Variants in BTBD9 observed in about 807,000 individuals in gnomAD.
The protein encoded by BTBD9 is BTB domain containing 9.
In BTBD9, 49 loss-of-function variants were observed where a neutral mutation model predicts 64.3. That is an observed-to-expected ratio of 0.76 (90% CI 0.61 to 0.97). BTBD9 has a LOEUF of 0.97. BTBD9 is among the 50% of genes least tolerant of loss of function. The pLI is 0.00. For synonymous variants in BTBD9, 260 were observed against 274.7 expected (o/e 0.95, Z 0.53); for missense variants, 598 against 762.1 (o/e 0.78, Z 2.53).
intron 6 of BTBD9, among the ~76,000 whole-genome samples, chr6:38,540,918 T>C (rs940757809): frequency 6.6e-6 from 1 of 152,224 alleles, no homozygotes; most frequent in Non-Finnish European, 1.5e-5. Context: ...TTCTATGATG[T>C]TACATGCTAG....
At position 38,171,874 on chromosome 6, in the gene BTBD9, AAAAAAAAATAAT is replaced by A. The variant is rs1766797227; in HGVS notation, c.*3099_*3110del. 3.6e-5 allele frequency: 4 copies of A among 111,698 alleles called. No individual in the cohort carries two copies. Among genetic ancestry groups the A allele is most frequent in the South Asian group, 2.8e-4 (1 of 3,540 alleles). The allele number at this position is 111,698 out of a possible 1,614,324, so 6.9% of individuals were successfully genotyped here. Reference sequence around the variant, plus strand: ...AAAAAAAAAAAAAAAAAAAAAAAAAAAAAAAAAATAATAATAATAATAATAATAATAATAATG... The same window carrying A: ...AAAAAAAAAAAAAAAAAAAAAAAAAAAATAATAATAATAATAATAATAATG... On this transcript the variant is annotated 3_prime_UTR_variant, in exon 11 of 11. Transcript: ENST00000481247.
At chr6:38,568,492 G>T (rs967180431) in intron 6 of BTBD9, among the ~76,000 whole-genome samples, 1 of 152,116 alleles carries the variant, frequency 6.6e-6, no homozygotes, top group South Asian at 2.1e-4. Flanking sequence ...TTTTGTCTCT[G>T]TTCCTTGTGC....
At chr6:38,487,038 G>A (rs1330641724) in intron 6 of BTBD9, among the ~76,000 whole-genome samples, 3 of 152,208 alleles carry the variant, frequency 2.0e-5, no homozygotes, top group African/African-American at 4.8e-5. Flanking sequence ...CCTGCTGAGA[G>A]CATGAGAGTT....
intron 6 of BTBD9, among the ~76,000 whole-genome samples, chr6:38,368,057 A>G (rs536978957): frequency 1.8e-4 from 27 of 152,330 alleles, no homozygotes; most frequent in South Asian, 1.2e-3. Flanking sequence ...ACAGTAAAAC[A>G]GAAGAGAACC....
chr6:38,302,779 C>T (rs995952091), intron 7 of BTBD9, among the ~76,000 whole-genome samples: 1 of 151,872 alleles, frequency 6.6e-6, no homozygotes, highest in African/African-American at 2.4e-5. Context: ...ATAAGAGTTC[C>T]CCCTTTCTCC....
chr6:38,367,071 G>A (rs574347954), intron 6 of BTBD9, among the ~76,000 whole-genome samples: 1 of 152,300 alleles, frequency 6.6e-6, no homozygotes, highest in South Asian at 2.1e-4. Flanking sequence ...GCCCAAAAAT[G>A]TGAACACTTT....
intron 9 of BTBD9, among the ~76,000 whole-genome samples, chr6:38,251,647 T>C (rs908619957): frequency 6.6e-6 from 1 of 152,062 alleles, no homozygotes; most frequent in African/African-American, 2.4e-5. Flanking sequence ...CGCCTGTACT[T>C]TGGGAGGCCG....
intron 9 of BTBD9, among the ~76,000 whole-genome samples, chr6:38,228,081 G>A (rs1476598665): frequency 1.3e-5 from 2 of 152,090 alleles, no homozygotes; most frequent in Non-Finnish European, 2.9e-5. Context: ...GTCAACCCTG[G>A]CCAGGCACAG....
chr6:38,343,115 T>G (rs16890577), intron 7 of BTBD9, among the ~76,000 whole-genome samples: 1 of 152,186 alleles, frequency 6.6e-6, no homozygotes, highest in Non-Finnish European at 1.5e-5. Context: ...GTCAAACTTG[T>G]GAGCACCATG....
intron 6 of BTBD9, among the ~76,000 whole-genome samples, chr6:38,509,710 G>A (rs373164118): frequency 6.6e-6 from 1 of 152,268 alleles, no homozygotes; most frequent in African/African-American, 2.4e-5. Context: ...TCAGGGAAGA[G>A]GCACTGCACA....
At chr6:38,336,026 G>A (rs139557303) in intron 7 of BTBD9, among the ~76,000 whole-genome samples, 5 of 152,122 alleles carry the variant, frequency 3.3e-5, no homozygotes, top group African/African-American at 4.8e-5. Context: ...GTGAGCTACC[G>A]CACCCGGCCT....
In BTBD9 at chr6:38,389,928, A is replaced by C. The variant is rs141639731; in HGVS notation, c.1155-44835T>G. On this transcript the variant is annotated intron_variant, in intron 6 of 10. Transcript: ENST00000481247. ...CTTTATGTTATGCAGCTGGGAATAGAATTTCTTCCTTTCTCTCTCCGTAGA... is the reference window on the plus strand; with the variant it reads ...CTTTATGTTATGCAGCTGGGAATAGCATTTCTTCCTTTCTCTCTCCGTAGA... Among the ~76,000 whole-genome samples the C allele has an allele frequency of 2.8e-3, 425 of 152,302 alleles. 2 individuals are homozygous for C. The highest frequency in any genetic ancestry group is 9.6e-3 in the African/African-American group (399 of 41,564).
intron 10 of BTBD9, among the ~76,000 whole-genome samples, chr6:38,190,010 C>T (rs1761987989): frequency 6.8e-6 from 1 of 147,950 alleles, no homozygotes; most frequent in African/African-American, 2.5e-5. Flanking sequence ...CAAGGTCTCA[C>T]TATGTTTCCC....
intron 6 of BTBD9, among the ~76,000 whole-genome samples, chr6:38,417,909 T>C (rs898934525): frequency 1.3e-5 from 2 of 152,232 alleles, no homozygotes; most frequent in Admixed American, 6.5e-5. Flanking sequence ...TTGTTTTGGA[T>C]AGCCAATCAT....
At chr6:38,293,945 A>G (rs1177212171) in intron 7 of BTBD9, among the ~76,000 whole-genome samples, 1 of 152,262 alleles carries the variant, frequency 6.6e-6, no homozygotes, top group Non-Finnish European at 1.5e-5. Flanking sequence ...AATATCCAGA[A>G]TCTACAAGGA....
chr6:38,636,034 A>G (rs764299447), intron 1 of BTBD9, among the ~76,000 whole-genome samples: 2 of 152,196 alleles, frequency 1.3e-5, no homozygotes, highest in Non-Finnish European at 2.9e-5. Flanking sequence ...TAACAGCAAC[A>G]GCTGCCATTT....
intron 6 of BTBD9, among the ~76,000 whole-genome samples, chr6:38,570,902 G>C (rs1233334975): frequency 2.0e-5 from 3 of 152,142 alleles, no homozygotes; most frequent in Non-Finnish European, 4.4e-5. Context: ...AAATATGATG[G>C]TGTAAAAAAG....
chr6:38,441,388 G>A (rs1769023311), intron 6 of BTBD9, among the ~76,000 whole-genome samples: 1 of 152,108 alleles, frequency 6.6e-6, no homozygotes, highest in South Asian at 2.1e-4. Context: ...ATGCTATAGA[G>A]AGTTACAGAG....
intron 6 of BTBD9, among the ~76,000 whole-genome samples, chr6:38,564,172 G>A (rs974269076): frequency 1.3e-5 from 2 of 152,136 alleles, no homozygotes; most frequent in South Asian, 2.1e-4. Context: ...CTGTATTCGT[G>A]TTATACCTTT....
Sources: gnomAD v4.1 joint callset for allele counts (sites outside exome capture counted in the v4.1 genomes callset) on GRCh38, gnomAD v4.1.1 for gene constraint, MANE v1.5 for transcripts, NCBI Gene and HGNC (gene_info 2026-07-23, HGNC 2026-07-21) for gene names.